The following CTDSPL2 variants were observed in gnomAD, a reference collection of about 807,000 sequenced individuals.
CTDSPL2 encodes the protein CTD small phosphatase-like protein 2.
CTDSPL2 carries 5 observed loss-of-function variants against 60.0 expected under a neutral mutation model. The ratio of observed to expected loss-of-function variants is 0.08; its 90% CI spans 0.04 to 0.18. The LOEUF (loss-of-function observed/expected upper bound fraction) is 0.18. CTDSPL2 is among the 10% of genes least tolerant of loss of function. CTDSPL2 has a pLI of 1.00. For missense variants in CTDSPL2, 370 were observed against 548.8 expected (o/e 0.67, Z 3.26); for synonymous variants, 186 against 189.3 (o/e 0.98, Z 0.14).
At chr15:44,445,827 C>A (rs1192456392) in intron 1 of CTDSPL2, among the ~76,000 whole-genome samples, 1 of 149,778 alleles carries the variant, frequency 6.7e-6, no homozygotes, top group Non-Finnish European at 1.5e-5. Flanking sequence ...TTAGTAGAGA[C>A]AGGGTTTCAC....
Position 44,526,809 on chromosome 15 carries a change from T to C in CTDSPL2, c.*2635T>C, listed in dbSNP as rs2081882470. On this transcript the variant is annotated 3_prime_UTR_variant, in exon 13 of 13. Transcript: ENST00000260327. The stretch of plus-strand genomic sequence containing the variant: ...GCCCCTTCAGCTCACACAGGAAACA[T>C]GAACTCTTAAAAAACTGACTAGTAA... The C allele has an allele frequency of 6.6e-6, 1 of 152,338 alleles. No individual in the cohort carries two copies. Among genetic ancestry groups the C allele is most frequent in the African/African-American group, 2.4e-5 (1 of 41,436 alleles). The allele number at this position is 152,338 out of a possible 1,614,324, so 9.4% of individuals were successfully genotyped here. A position where few individuals can be genotyped will look rare whatever the true frequency, so the allele number is the denominator to read the frequency against.
At chr15:44,513,881 G>C (rs573893914) in intron 8 of CTDSPL2, among the ~76,000 whole-genome samples, 15 of 152,294 alleles carry the variant, frequency 9.8e-5, no homozygotes, top group Non-Finnish European at 1.6e-4. Flanking sequence ...GGCAAAGAGA[G>C]ACACAGAAAT....
rs1283836537 is a variant in CTDSPL2, at chr15:44,525,178, T to C, written c.*1004T>C. On this transcript the variant is annotated 3_prime_UTR_variant, in exon 13 of 13. Transcript: ENST00000260327. Reference sequence around the variant, plus strand: ...AGTGACTCAGTATTTTTAGTTATTTTGCATGGGCTGGTAGTACCTCTGTTA... The same window carrying C: ...AGTGACTCAGTATTTTTAGTTATTTCGCATGGGCTGGTAGTACCTCTGTTA... 1 of 376,880 alleles carries C rather than the reference T, an allele frequency of 2.7e-6. No homozygotes were observed. The highest frequency in any genetic ancestry group is 4.7e-6 in the Non-Finnish European group (1 of 212,258). 23.3% of individuals were successfully genotyped at this position (376,880 alleles called of 1,614,324 possible).
chr15:44,508,947 A>C (rs2081519098), intron 8 of CTDSPL2, among the ~76,000 whole-genome samples: 1 of 152,140 alleles, frequency 6.6e-6, no homozygotes. Context: ...TTATGGTCAT[A>C]TTATCTGGGC....
At chr15:44,447,000 C>CA (rs763087172) in intron 1 of CTDSPL2, among the ~76,000 whole-genome samples, 6 of 152,068 alleles carry the variant, frequency 3.9e-5, no homozygotes, top group Non-Finnish European at 7.4e-5. Context: ...TGAGCCACTG[C>CA]ACCCAGCCTG....
chr15:44,521,269 A>G (rs1007111324), intron 11 of CTDSPL2, 42 bp from the exon 12 acceptor site: 18 of 989,436 alleles, frequency 1.8e-5, no homozygotes, highest in Non-Finnish European at 2.6e-5. Context: ...ACTAGGTAAA[A>G]TATAAGTAAA....
At chr15:44,429,544 A>G (rs776721980) in intron 1 of CTDSPL2, among the ~76,000 whole-genome samples, 1 of 152,090 alleles carries the variant, frequency 6.6e-6, no homozygotes, top group Non-Finnish European at 1.5e-5. Flanking sequence ...CAGTACTTGC[A>G]CTCTTTTAAT....
chr15:44,517,256 A>C (rs548885010), intron 10 of CTDSPL2: 2 of 148,670 alleles, frequency 1.3e-5, no homozygotes, highest in Non-Finnish European at 3.0e-5. Flanking sequence ...CACGCCTGTA[A>C]TCCCAGCACT....
chr15:44,519,030 C>A, intron 10 of CTDSPL2, 139 bp from the exon 11 acceptor site: 1 of 470,318 alleles, frequency 2.1e-6, no homozygotes, highest in Non-Finnish European at 3.5e-6. Context: ...ACGCTTAGAC[C>A]CATATTTGTG....
chr15:44,482,366 C>T (rs2081044335), intron 2 of CTDSPL2, among the ~76,000 whole-genome samples: 1 of 152,220 alleles, frequency 6.6e-6, no homozygotes, highest in Non-Finnish European at 1.5e-5. Context: ...TCTGCCCCAA[C>T]ATACCTCTCT....
intron 8 of CTDSPL2, among the ~76,000 whole-genome samples, chr15:44,507,271 G>C (rs750013933): frequency 2.6e-5 from 4 of 151,160 alleles, no homozygotes; most frequent in Non-Finnish European, 5.9e-5. Flanking sequence ...TTTTAGTAGA[G>C]ATGGGGTTTC....
At chr15:44,431,134 T>A (rs1323897404) in intron 1 of CTDSPL2, among the ~76,000 whole-genome samples, 1 of 151,700 alleles carries the variant, frequency 6.6e-6, no homozygotes, top group Non-Finnish European at 1.5e-5. Flanking sequence ...CTTTTTTTTT[T>A]TTTTTTAATG....
In CTDSPL2 at chr15:44,514,553, C is replaced by T. The variant is rs752964433; in HGVS notation, c.970-45C>T. On this transcript the variant is annotated intron_variant, in intron 8 of 12. Transcript: ENST00000260327. Reference sequence around the variant, plus strand: ...GCACATCTTAAAAAGAAGTGGTTTCCCATTGTATGTTTATTTGCTGAAACT... The same window carrying T: ...GCACATCTTAAAAAGAAGTGGTTTCTCATTGTATGTTTATTTGCTGAAACT... 4 of 1,126,478 alleles carry T rather than the reference C, an allele frequency of 3.6e-6. No individual in the cohort carries two copies. In the South Asian group the frequency reaches 3.8e-5, roughly 11 times the overall value. 69.8% of individuals were successfully genotyped at this position (1,126,478 alleles called of 1,614,324 possible). A position where few individuals can be genotyped will look rare whatever the true frequency, so the allele number is the denominator to read the frequency against.
At chr15:44,510,937 C>T (rs1013616997) in intron 8 of CTDSPL2, among the ~76,000 whole-genome samples, 12 of 152,164 alleles carry the variant, frequency 7.9e-5, no homozygotes, top group Non-Finnish European at 1.8e-4. Context: ...TTTCTGTTCA[C>T]GCTTACCTAT....
intron 1 of CTDSPL2, among the ~76,000 whole-genome samples, chr15:44,446,828 T>C (rs1368069404): frequency 1.4e-5 from 2 of 141,500 alleles, no homozygotes; most frequent in African/African-American, 5.2e-5. Flanking sequence ...TGATCTCAGC[T>C]CACTGCAACC....
At chr15:44,512,254 A>G (rs1337468138) in intron 8 of CTDSPL2, among the ~76,000 whole-genome samples, 1 of 152,152 alleles carries the variant, frequency 6.6e-6, no homozygotes, top group Non-Finnish European at 1.5e-5. Flanking sequence ...GTTCAAAGGA[A>G]ATGCTCATTG....
chr15:44,486,395 A>G (rs574799219), intron 3 of CTDSPL2, among the ~76,000 whole-genome samples, 156 bp from the exon 4 acceptor site: 6 of 152,354 alleles, frequency 3.9e-5, no homozygotes, highest in East Asian at 1.9e-4. Flanking sequence ...ATTTACCTCA[A>G]TGTTTCTTTA....
At chr15:44,463,429 A>C (rs2080617244) in intron 2 of CTDSPL2, among the ~76,000 whole-genome samples, 1 of 152,240 alleles carries the variant, frequency 6.6e-6, no homozygotes, top group South Asian at 2.1e-4. Flanking sequence ...GACATGAGCC[A>C]CTGTGCCGGG....
At chr15:44,508,142 A>T (rs2081503489) in intron 8 of CTDSPL2, among the ~76,000 whole-genome samples, 1 of 151,096 alleles carries the variant, frequency 6.6e-6, no homozygotes, top group Admixed American at 6.6e-5. Context: ...GAGTACAGTG[A>T]CATGATCACA....
Sources: gnomAD v4.1 joint callset for allele counts (sites outside exome capture counted in the v4.1 genomes callset) on GRCh38, gnomAD v4.1.1 for gene constraint, MANE v1.5 for transcripts, NCBI Gene and HGNC (gene_info 2026-07-23, HGNC 2026-07-21) for gene names.